PMPCA: variants seen among roughly 807,000 people sequenced by gnomAD.
The protein encoded by PMPCA is peptidase, mitochondrial processing subunit alpha, also known as mitochondrial-processing peptidase subunit alpha.
Under a neutral mutation model 59.3 loss-of-function variants are expected in PMPCA, and 47 were observed. The ratio of observed to expected loss-of-function variants is 0.79; its 90% CI spans 0.63 to 1.01. The LOEUF is 1.01. PMPCA is among the 50% of genes least tolerant of loss of function. The probability of loss-of-function intolerance (pLI) is 0.00; values close to 1 mark genes in which losing one functional copy is unlikely to be tolerated. For synonymous variants in PMPCA, 338 were observed against 290.3 expected, an observed-to-expected ratio of 1.16 and a Z score of -1.67; for missense variants, 726 against 704.5, an observed-to-expected ratio of 1.03 and a Z score of -0.34.
At chr9:136,417,249 G>A in intron 7 of PMPCA, 35 bp downstream of exon 7, 2 of 1,528,596 alleles carry the variant, frequency 1.3e-6, no homozygotes, top group Non-Finnish European at 1.8e-6. Flanking sequence ...GCCTCGGGTG[G>A]GGAACACGTC....
chr9:136,411,608 G>A (rs1002711292), intron 1 of PMPCA, among the ~76,000 whole-genome samples: 1 of 152,194 alleles, frequency 6.6e-6, no homozygotes, highest in African/African-American at 2.4e-5. Flanking sequence ...TTTGGAGAGG[G>A]AGACAGAGGC....
intron 7 of PMPCA, among the ~76,000 whole-genome samples, chr9:136,417,598 G>T (rs1209286326): frequency 6.6e-6 from 1 of 151,538 alleles, no homozygotes; most frequent in Non-Finnish European, 1.5e-5. Context: ...TCAACTTCCC[G>T]AGTAGCTGGG....
At position 136,423,401 on chromosome 9, in the gene PMPCA, G is replaced by A. The variant is rs1835518607; in HGVS notation, c.*137G>A. ...CAAACAATGTCGCCACAGCACCCACGCGGTTTGCATTCTTTTGGAACTCAA... is the reference window on the plus strand; with the variant it reads ...CAAACAATGTCGCCACAGCACCCACACGGTTTGCATTCTTTTGGAACTCAA... On this transcript the variant is annotated 3_prime_UTR_variant, in exon 13 of 13. Coordinates refer to ENST00000371717, the MANE Select transcript of PMPCA (RefSeq NM_015160.3). 1 of 878,160 alleles carries A rather than the reference G, an allele frequency of 1.1e-6. No individual in the cohort carries two copies. The highest frequency in any genetic ancestry group is 1.7e-6 in the Non-Finnish European group (1 of 586,784). 54.4% of individuals were successfully genotyped at this position (878,160 alleles called of 1,614,324 possible).
Position 136,418,640 on chromosome 9 carries a change from T to A in PMPCA, c.1076T>A (p.Met359Lys). Reference protein sequence around the residue: ...SFSAGGPGKGMFSRLYLNVLN... With the variant: ...SFSAGGPGKGKFSRLYLNVLN... ...TCGGCTGGTGGGCCCGGCAAGGGCA[T>A]GTTCTCCAGGCTCTACCTCAACGTG... is the stretch of plus-strand genomic sequence containing the variant. Residue 359 changes from methionine (M) to lysine (K), a missense_variant, in exon 9 of 13, where the codon ATG becomes AAG. By Grantham distance (95) the Met-to-Lys change is moderately conservative. Coordinates refer to ENST00000371717, the MANE Select transcript of PMPCA (RefSeq NM_015160.3). 6.2e-7 allele frequency: 1 copy of A among 1,613,130 alleles called. No individual in the cohort carries two copies. Among genetic ancestry groups the A allele is most frequent in the Non-Finnish European group, 8.5e-7 (1 of 1,179,070 alleles).
chr9:136,416,154 C>T, intron 5 of PMPCA, 137 bp from the exon 6 acceptor site: 1 of 667,866 alleles, frequency 1.5e-6, no homozygotes, highest in South Asian at 1.7e-5. Context: ...CCCAGTCTGC[C>T]CCTAGATGAA....
rs567719340 is a variant in PMPCA, at chr9:136,418,023, A to G, written c.904A>G (p.Arg302Gly). 1.9e-6 allele frequency: 3 copies of G among 1,612,206 alleles called. No individual in the cohort carries two copies. Among genetic ancestry groups the G allele is most frequent in the South Asian group, 2.2e-5 (2 of 91,044 alleles). ...CTTGTTTTCTTGGTTACAGCTAGAA[A>G]GAGACATGTCCAATGTCAGCCTGGG... is the stretch of plus-strand genomic sequence containing the variant. ...QYTGGIAKLE[R>G]DMSNVSLGPT... Residue 302 changes from arginine to glycine, a missense_variant, in exon 8 of 13, where the codon AGA (arginine) becomes GGA (glycine). Arg to Gly is a moderately radical substitution (Grantham distance 125, BLOSUM62 -2). Coordinates refer to ENST00000371717, the MANE Select transcript of PMPCA (RefSeq NM_015160.3).
At chr9:136,422,543 C>T in intron 12 of PMPCA, 1 of 1,014,490 alleles carries the variant, frequency 9.9e-7, no homozygotes, top group Non-Finnish European at 1.2e-6. Context: ...GTGGGCATCT[C>T]CTTTCCAGGC....
rs776130153 is a variant in PMPCA, at chr9:136,421,954, G to A, written c.1386G>A (p.Pro462=). The A allele has an allele frequency of 6.2e-6, 10 of 1,612,574 alleles. No homozygotes were observed. The East Asian group carries it at 6.7e-5, about 11-fold the overall frequency. The stretch of plus-strand genomic sequence containing the variant: ...TGGCCACTCGCTCCAGAAAGCTGCC[G>A]CACGAGCTGTGCACGCTCATCCGTG... ...QVLATRSRKL[P]HELCTLIRNV... is the part of the protein sequence containing the mutation. The change falls in exon 12 of 13, where the codon CCG becomes CCA. Residue 462 remains proline (P), a synonymous_variant. Transcript: ENST00000371717.
At position 136,418,867 on chromosome 9, in the gene PMPCA, C is replaced by T. The variant is rs1488640421; in HGVS notation, c.1149C>T (p.Ser383=). ...ATAACGCGACCTCCTACCACCACAG[C>T]TACGAGGACACTGGCCTCCTTTGCA... ...WMYNATSYHH[S]YEDTGLLCIH... Residue 383 remains serine, a synonymous_variant, in exon 10 of 13, where the codon AGC becomes AGT. Coordinates refer to ENST00000371717, the MANE Select transcript of PMPCA (RefSeq NM_015160.3). The T allele has an allele frequency of 1.2e-6, 2 of 1,613,542 alleles. No homozygotes were observed. Among genetic ancestry groups the T allele is most frequent in the Non-Finnish European group, 1.7e-6 (2 of 1,179,954 alleles).
intron 12 of PMPCA, chr9:136,422,464 G>C (rs10870166): frequency 0.26 from 278,587 of 1,052,108 alleles, 38,607 homozygotes; most frequent in Non-Finnish European, 0.28. Context: ...GGACTCTTCT[G>C]GGGGACAGGC....
chr9:136,421,371 G>C (rs1156358826), intron 11 of PMPCA, among the ~76,000 whole-genome samples: 1 of 151,152 alleles, frequency 6.6e-6, no homozygotes, highest in Admixed American at 6.6e-5. Flanking sequence ...GGGGAGACCA[G>C]CAGGGTTGCC....
chr9:136,421,404 G>GTTTTTTTGTTTTTTTTT lies in PMPCA; in HGVS notation c.1264-421_1264-420insGTTTTTTTTTTTTTTTT, dbSNP rs780035978. On this transcript the variant is annotated intron_variant, in intron 11 of 12. Transcript: ENST00000371717. ...GCCTGTGACTTGGGCCTGGGTTCCCGTTTTTTTTTTTTTTTTTTTTTTTGA... is the reference window on the plus strand; with the variant it reads ...GCCTGTGACTTGGGCCTGGGTTCCCGTTTTTTTGTTTTTTTTTTTTTTTTTTTTTTTTTTTTTTTTGA... Among the ~76,000 whole-genome samples, 303 of 117,972 alleles carry GTTTTTTTGTTTTTTTTT rather than the reference G, an allele frequency of 2.6e-3. 8 individuals are homozygous for GTTTTTTTGTTTTTTTTT. Among genetic ancestry groups the GTTTTTTTGTTTTTTTTT allele is most frequent in the Non-Finnish European group, 3.9e-3 (225 of 57,618 alleles). The allele number at this position is 117,972 out of a possible 152,430, so 77.4% of individuals were successfully genotyped here. A position where few individuals can be genotyped will look rare whatever the true frequency, so the allele number is the denominator to read the frequency against.
Position 136,418,684 on chromosome 9 carries a change from C to A in PMPCA, c.1109+11C>A. On this transcript the variant is annotated intron_variant, in intron 9 of 12. Transcript: ENST00000371717. ...CAACGTGCTCAACAGGTGGGTTGCA[C>A]TCTTTTCTGTATCCTCAGGCCACCA... 6.3e-7 allele frequency: 1 copy of A among 1,582,124 alleles called. No individual in the cohort carries two copies. The highest frequency in any genetic ancestry group is 8.7e-7 in the Non-Finnish European group (1 of 1,150,790).
rs189296334 is a variant in PMPCA, at chr9:136,414,505, A to G, written c.438-48A>G. On this transcript the variant is annotated intron_variant, in intron 4 of 12. Transcript: ENST00000371717. ...CCCGAGCGTCCCCTGGCTGTTAAGCAGAGTGTGAGTTCAGGGCCTGGCATT... is the reference window on the plus strand; with the variant it reads ...CCCGAGCGTCCCCTGGCTGTTAAGCGGAGTGTGAGTTCAGGGCCTGGCATT... 28 of 1,263,702 alleles carry G rather than the reference A, an allele frequency of 2.2e-5. No individual in the cohort carries two copies. In the East Asian group the frequency reaches 6.3e-4, roughly 28 times the overall value. The allele number at this position is 1,263,702 out of a possible 1,614,324, so 78.3% of individuals were successfully genotyped here.
intron 11 of PMPCA, 81 bp downstream of exon 11, chr9:136,419,187 T>TG: frequency 7.9e-7 from 1 of 1,266,220 alleles, no homozygotes; most frequent in Non-Finnish European, 1.2e-6. Context: ...TGGCCACCTG[T>TG]GGGCCTGGTC....
rs546911346 is a variant in PMPCA, at chr9:136,415,757, T to C, written c.533-534T>C. Among the ~76,000 whole-genome samples the C allele has an allele frequency of 8.5e-5, 13 of 152,308 alleles. No homozygotes were observed. In the South Asian group the frequency reaches 2.3e-3, roughly 27 times the overall value. Reference sequence around the variant, plus strand: ...AAGTGATTCTCCTGCCTCAGCCTCCTGAGTAGCTGGGATTACAGGCGCCCG... The same window carrying C: ...AAGTGATTCTCCTGCCTCAGCCTCCCGAGTAGCTGGGATTACAGGCGCCCG... On this transcript the variant is annotated intron_variant, in intron 5 of 12. Coordinates refer to ENST00000371717, the MANE Select transcript of PMPCA (RefSeq NM_015160.3).
chr9:136,417,990 G>A (rs199778467), intron 7 of PMPCA, 27 bp from the exon 8 acceptor site: 28 of 1,538,780 alleles, frequency 1.8e-5, no homozygotes, highest in East Asian at 1.1e-4. Flanking sequence ...TTCACATGGC[G>A]ACACTTGCTT....
rs1190639505 is a variant in PMPCA, at chr9:136,416,992, C to T, written c.675C>T (p.Cys225=). ...ACACAGTTGGCCTCCACCGTTTCTG[C>T]CCCACAGAAAACGTAGCAAAGATCA... The part of the protein sequence containing the change: ...RENTVGLHRF[C]PTENVAKINR... Residue 225 remains cysteine (C), a synonymous_variant, in exon 7 of 13, where the codon TGC becomes TGT. Coordinates refer to ENST00000371717, the MANE Select transcript of PMPCA (RefSeq NM_015160.3). The T allele has an allele frequency of 1.9e-6, 3 of 1,612,346 alleles. No homozygotes were observed. The highest frequency in any genetic ancestry group is 2.2e-5 in the South Asian group (2 of 90,998).
intron 11 of PMPCA, chr9:136,420,805 A>T (rs1429530616): frequency 6.6e-6 from 1 of 152,196 alleles, no homozygotes; most frequent in East Asian, 1.9e-4. Flanking sequence ...AAGAAATGGT[A>T]TAGAGGCCAG....
Sources: allele counts gnomAD v4.1 joint callset (sites outside exome capture counted in the v4.1 genomes callset), GRCh38; gene constraint gnomAD v4.1.1; transcripts MANE v1.5; gene names NCBI Gene and HGNC (gene_info 2026-07-23, HGNC 2026-07-21).